The following HPCAL1 variants were observed in gnomAD, a reference collection of about 807,000 sequenced individuals.
HPCAL1 encodes hippocalcin like 1.
A neutral mutation model predicts 17.1 loss-of-function variants in HPCAL1; 8 were observed. The ratio of observed to expected loss-of-function variants is 0.47; its 90% CI spans 0.27 to 0.84. The LOEUF is 0.84. Among genes scored for constraint, HPCAL1 ranks in the 40% least tolerant of loss-of-function variants. The pLI is 0.13. For synonymous variants in HPCAL1, 112 were observed against 111.4 expected (o/e 1.01, Z -0.03); for missense variants, 165 against 271.1 (o/e 0.61, Z 2.75).
chr2:10,368,312 A>G (rs532998582), intron 1 of HPCAL1, among the ~76,000 whole-genome samples: 14 of 149,848 alleles, frequency 9.3e-5, no homozygotes, highest in African/African-American at 3.0e-4. Flanking sequence ...GTGTGCACAT[A>G]TGCACGTGTG....
chr2:10,330,995 C>G lies in HPCAL1; in HGVS notation c.-111+27818C>G, dbSNP rs921086327. ...CCTGTTGCTTGTGCCTCCTTTGCAG[C>G]CCCGGCCTCTCCAGTTCTCTGTGTC... On this transcript the variant is annotated intron_variant, in intron 1 of 4. Transcript: ENST00000307845. The surrounding 1 kb of genome is among the most constrained non-coding windows in gnomAD (Gnocchi z 4.2). Among the ~76,000 whole-genome samples, 1 of 152,164 alleles carries G rather than the reference C, an allele frequency of 6.6e-6. No homozygotes were observed. Among genetic ancestry groups the G allele is most frequent in the Non-Finnish European group, 1.5e-5 (1 of 68,036 alleles).
Position 10,304,603 on chromosome 2 carries a change from A to G in HPCAL1, c.-111+1426A>G, listed in dbSNP as rs879904330. Among the ~76,000 whole-genome samples, 2 of 152,114 alleles carry G rather than the reference A, an allele frequency of 1.3e-5. No homozygotes were observed. Among genetic ancestry groups the G allele is most frequent in the African/African-American group, 2.4e-5 (1 of 41,398 alleles). On this transcript the variant is annotated intron_variant, in intron 1 of 4. Coordinates refer to ENST00000307845, the MANE Select transcript of HPCAL1 (RefSeq NM_002149.4). The surrounding 1 kb of genome is among the most constrained non-coding windows in gnomAD (Gnocchi z 4.1). The stretch of plus-strand genomic sequence containing the variant: ...TTTAAAACATTTACTTTTGAAACCT[A>G]CTAGTCGTAAAATTGAACCGCAGTG...
intron 1 of HPCAL1, among the ~76,000 whole-genome samples, chr2:10,374,017 C>T (rs1449872574): frequency 1.3e-5 from 2 of 152,210 alleles, no homozygotes; most frequent in Non-Finnish European, 2.9e-5. Context: ...CCTCTGTCCC[C>T]TAGTCTCATG....
rs1030148819 is a variant in HPCAL1 at position 10,394,431 on chromosome 2, C to T, written c.-110-2404C>T. Reference sequence around the variant, plus strand: ...TCTCGGAGTGTCAAAGCAGTGCGCACGGAGCTGTGAGATAAATTGGCTGAG... The same window carrying T: ...TCTCGGAGTGTCAAAGCAGTGCGCATGGAGCTGTGAGATAAATTGGCTGAG... On this transcript the variant is annotated intron_variant, in intron 1 of 4. Transcript: ENST00000307845. The surrounding 1 kb of genome is among the most constrained non-coding windows in gnomAD (Gnocchi z 5.0). Among the ~76,000 whole-genome samples, 27 of 152,084 alleles carry T rather than the reference C, an allele frequency of 1.8e-4. No homozygotes were observed. Among genetic ancestry groups the T allele is most frequent in the African/African-American group, 4.3e-4 (18 of 41,402 alleles).
At chr2:10,411,587 T>G (rs989779060) in intron 2 of HPCAL1, among the ~76,000 whole-genome samples, 1 of 152,172 alleles carries the variant, frequency 6.6e-6, no homozygotes, top group Non-Finnish European at 1.5e-5. Flanking sequence ...CTTTATTCAC[T>G]TTTTATGCCC....
At chr2:10,313,342 C>T (rs1042864020) in intron 1 of HPCAL1, among the ~76,000 whole-genome samples, 5 of 152,148 alleles carry the variant, frequency 3.3e-5, no homozygotes, top group African/African-American at 9.7e-5. Flanking sequence ...TGGTGACCCC[C>T]GCATTCTGGG....
intron 1 of HPCAL1, among the ~76,000 whole-genome samples, chr2:10,313,349 T>A (rs902547471): frequency 6.6e-6 from 1 of 152,202 alleles, no homozygotes; most frequent in Non-Finnish European, 1.5e-5. Flanking sequence ...CCCCGCATTC[T>A]GGGCACAGAG....
At position 10,323,202 on chromosome 2, in the gene HPCAL1, C is replaced by T. The variant is rs750998407; in HGVS notation, c.-111+20025C>T. Reference sequence around the variant, plus strand: ...AGACGCGTTCCCCACGGAGTCCCAGCGTGTATGCATGGGGTCACGGTGCTC... The same window carrying T: ...AGACGCGTTCCCCACGGAGTCCCAGTGTGTATGCATGGGGTCACGGTGCTC... On this transcript the variant is annotated intron_variant, in intron 1 of 4. Coordinates refer to ENST00000307845, the MANE Select transcript of HPCAL1 (RefSeq NM_002149.4). The surrounding 1 kb of genome is among the most constrained non-coding windows in gnomAD (Gnocchi z 4.6). Among the ~76,000 whole-genome samples the T allele has an allele frequency of 5.9e-5, 9 of 152,328 alleles. No homozygotes were observed. The highest frequency in any genetic ancestry group is 2.0e-4 in the Admixed American group (3 of 15,298).
Position 10,427,242 on chromosome 2 carries a change from C to G in HPCAL1, c.*421C>G, listed in dbSNP as rs1005765579. On this transcript the variant is annotated 3_prime_UTR_variant, in exon 5 of 5. Coordinates refer to ENST00000307845, the MANE Select transcript of HPCAL1 (RefSeq NM_002149.4). ...GCGTCGGGAGGGTATACAGGGAGCC[C>G]CTCCCGTGCATGGCTGCCCCCCCGT... The G allele has an allele frequency of 1.1e-5, 2 of 186,194 alleles. No homozygotes were observed. Among genetic ancestry groups the G allele is most frequent in the African/African-American group, 4.7e-5 (2 of 42,520 alleles). The allele number at this position is 186,194 out of a possible 1,614,324, so 11.5% of individuals were successfully genotyped here. A position where few individuals can be genotyped will look rare whatever the true frequency, so the allele number is the denominator to read the frequency against.
At chr2:10,416,674 A>T (rs184365584) in intron 2 of HPCAL1, among the ~76,000 whole-genome samples, 5 of 151,456 alleles carry the variant, frequency 3.3e-5, no homozygotes, top group Non-Finnish European at 7.4e-5. Context: ...GTATTTTGGT[A>T]GTAGTGATCT....
At chr2:10,385,477 G>A (rs1345243954) in intron 1 of HPCAL1, among the ~76,000 whole-genome samples, 1 of 152,094 alleles carries the variant, frequency 6.6e-6, no homozygotes. Flanking sequence ...AAGTTCCTTG[G>A]GTGCAGACAC....
rs1050008775 is a variant in HPCAL1 at position 10,365,725 on chromosome 2, G to T, written c.-110-31110G>T. Among the ~76,000 whole-genome samples, 1 of 152,176 alleles carries T rather than the reference G, an allele frequency of 6.6e-6. No homozygotes were observed. The highest frequency in any genetic ancestry group is 2.4e-5 in the African/African-American group (1 of 41,438). On this transcript the variant is annotated intron_variant, in intron 1 of 4. Transcript: ENST00000307845. This position sits in a 1 kb window ranked among gnomAD's most constrained non-coding sequence, Gnocchi z 4.8. ...AGGCTCCCTACACCCACCTGAGTGG[G>T]CCTTTCTGTGTTCACTTCAGGGATG...
At chr2:10,358,306 G>T (rs1666306764) in intron 1 of HPCAL1, among the ~76,000 whole-genome samples, 2 of 152,202 alleles carry the variant, frequency 1.3e-5, no homozygotes, top group Admixed American at 6.5e-5. Context: ...AATAGAATCG[G>T]AGTCTCACTA....
intron 1 of HPCAL1, among the ~76,000 whole-genome samples, chr2:10,360,355 T>C (rs1172943788): frequency 6.6e-6 from 1 of 151,890 alleles, no homozygotes; most frequent in African/African-American, 2.4e-5. Flanking sequence ...ATACGGAAGA[T>C]GGAGAAATGG....
intron 1 of HPCAL1, among the ~76,000 whole-genome samples, chr2:10,371,248 C>A (rs1048373457): frequency 3.3e-5 from 5 of 152,160 alleles, no homozygotes; most frequent in African/African-American, 4.8e-5. Flanking sequence ...GCCAGTGGGA[C>A]TATACATTGT....
At chr2:10,387,520 C>G (rs1668394440) in intron 1 of HPCAL1, among the ~76,000 whole-genome samples, 1 of 152,216 alleles carries the variant, frequency 6.6e-6, no homozygotes, top group Admixed American at 6.5e-5. Flanking sequence ...GACAGTGTGG[C>G]CCCATGCTGG....
chr2:10,418,555 G>A (rs1670829240), intron 2 of HPCAL1, among the ~76,000 whole-genome samples: 1 of 151,952 alleles, frequency 6.6e-6, no homozygotes. Flanking sequence ...GAGAGCTGGT[G>A]CCTACTGTTT....
chr2:10,356,358 G>A (rs1666153938), intron 1 of HPCAL1, among the ~76,000 whole-genome samples: 2 of 152,152 alleles, frequency 1.3e-5, no homozygotes, highest in South Asian at 4.1e-4. Flanking sequence ...TTTGCCTGAG[G>A]GACTGGGGAG....
chr2:10,358,699 C>T (rs550423602), intron 1 of HPCAL1, among the ~76,000 whole-genome samples: 213 of 152,252 alleles, frequency 1.4e-3, no homozygotes, highest in African/African-American at 4.0e-3. Flanking sequence ...CAGAATGCCC[C>T]GGAGTTTGGC....
Sources: allele counts gnomAD v4.1 joint callset (sites outside exome capture counted in the v4.1 genomes callset), GRCh38; gene constraint gnomAD v4.1.1; non-coding constraint Gnocchi (gnomAD v3.1); transcripts MANE v1.5; gene names NCBI Gene and HGNC (gene_info 2026-07-23, HGNC 2026-07-21).